The following WDR17 variants were observed in gnomAD, a reference collection of about 807,000 sequenced individuals.
The protein encoded by WDR17 is WD repeat domain 17.
Under a neutral mutation model 161.7 loss-of-function variants are expected in WDR17, and 143 were observed. The ratio of observed to expected loss-of-function variants is 0.88; its 90% CI spans 0.77 to 1.02. WDR17 has a LOEUF of 1.02. Ranked by LOEUF, WDR17 falls within the 50% of genes least tolerant of loss-of-function variation. The probability of loss-of-function intolerance (pLI) is 0.00; values close to 1 mark genes in which losing one functional copy is unlikely to be tolerated. For synonymous variants in WDR17, 517 were observed against 515.6 expected (o/e 1.00, Z -0.04); for missense variants, 1,469 against 1,520.9 (o/e 0.97, Z 0.57).
intron 19 of WDR17, 49 bp from the exon 20 acceptor site, chr4:176,160,862 A>G (rs1748930744): frequency 6.9e-7 from 1 of 1,439,120 alleles, no homozygotes; most frequent in Non-Finnish European, 9.5e-7. Context: ...AAATGTGTCA[A>G]TTATCAACAA....
intron 1 of WDR17, among the ~76,000 whole-genome samples, chr4:176,108,494 G>A (rs1739176081): frequency 6.6e-6 from 1 of 152,084 alleles, no homozygotes; most frequent in Non-Finnish European, 1.5e-5. Flanking sequence ...TGTAATGGTG[G>A]ATACCTATCA....
intron 7 of WDR17, among the ~76,000 whole-genome samples, chr4:176,133,959 CA>C (rs1561154971): frequency 6.6e-6 from 1 of 151,564 alleles, no homozygotes; most frequent in Non-Finnish European, 1.5e-5. Flanking sequence ...TTTCTTATTT[CA>C]AAAAATAAAA....
At chr4:176,107,825 C>G (rs1420570458) in intron 1 of WDR17, among the ~76,000 whole-genome samples, 2 of 151,182 alleles carry the variant, frequency 1.3e-5, no homozygotes, top group African/African-American at 4.9e-5. Context: ...TTTTCCCTTC[C>G]TTCCTTCCTT....
At chr4:176,109,248 A>G (rs1739307836) in intron 1 of WDR17, among the ~76,000 whole-genome samples, 1 of 152,174 alleles carries the variant, frequency 6.6e-6, no homozygotes. Flanking sequence ...CATAATCTCC[A>G]AAAGTCAATG....
chr4:176,067,113 G>A, intron 1 of WDR17, among the ~76,000 whole-genome samples: 1 of 152,186 alleles, frequency 6.6e-6, no homozygotes. Context: ...TGTGGAGAAA[G>A]CACTCTTACA....
intron 1 of WDR17, among the ~76,000 whole-genome samples, chr4:176,080,459 T>C (rs980244130): frequency 6.6e-6 from 1 of 150,768 alleles, no homozygotes; most frequent in African/African-American, 2.4e-5. Flanking sequence ...AAAAAAACAA[T>C]GGGGAGAAGG....
At chr4:176,155,972 T>C (rs1396349822) in intron 17 of WDR17, 107 bp from the exon 18 acceptor site, 1 of 1,000,868 alleles carries the variant, frequency 1.0e-6, no homozygotes, top group East Asian at 2.9e-5. Context: ...AGAACTCAAA[T>C]ATAAAAATAC....
intron 1 of WDR17, among the ~76,000 whole-genome samples, chr4:176,071,643 C>G (rs1011566411): frequency 1.3e-5 from 2 of 152,218 alleles, no homozygotes. Flanking sequence ...CTTTGGATAC[C>G]TCTCTCAGAA....
intron 2 of WDR17, among the ~76,000 whole-genome samples, chr4:176,114,215 C>G (rs144309472): frequency 1.9e-4 from 29 of 152,024 alleles, no homozygotes; most frequent in Non-Finnish European, 3.2e-4. Flanking sequence ...ACTTAAAAAC[C>G]TATTTATTCC....
chr4:176,066,158 C>T (rs2126525698), intron 1 of WDR17, 79 bp downstream of exon 1: 1 of 152,570 alleles, frequency 6.6e-6, no homozygotes, highest in East Asian at 1.9e-4. Flanking sequence ...GTCGCGGCGT[C>T]ATGCGAGAGG....
At chr4:176,114,184 T>G (rs1740227128) in intron 2 of WDR17, among the ~76,000 whole-genome samples, 1 of 152,088 alleles carries the variant, frequency 6.6e-6, no homozygotes, top group Admixed American at 6.6e-5. Context: ...ATAGGTGACT[T>G]AAATTGCTGA....
chr4:176,090,861 A>G (rs757877678), intron 1 of WDR17, among the ~76,000 whole-genome samples: 1 of 152,248 alleles, frequency 6.6e-6, no homozygotes, highest in Non-Finnish European at 1.5e-5. Flanking sequence ...CTTACAGGAA[A>G]CAAAGGGATG....
rs375152589 is a variant in WDR17, at chr4:176,149,613, T to A, written c.1898-194T>A. Among the ~76,000 whole-genome samples, 10 of 152,282 alleles carry A rather than the reference T, an allele frequency of 6.6e-5. 1 individual carries two copies. In the East Asian group the frequency reaches 1.9e-3, roughly 29 times the overall value. On this transcript the variant is annotated intron_variant, in intron 13 of 28. Transcript: ENST00000508596. ...ATTTTATATTCATATTTATAGAATA[T>A]ATAAAATAATTTATTGCATTCTTAT... is the stretch of plus-strand genomic sequence containing the variant.
In WDR17 at chr4:176,115,875, G is replaced by A; in HGVS notation, c.203G>A (p.Cys68Tyr). The change falls in exon 3 of 29, where the codon TGT becomes TAT. Residue 68 changes from cysteine to tyrosine, a missense_variant. Cys to Tyr is a radical substitution (Grantham distance 194). Coordinates refer to ENST00000508596, the MANE Select transcript of WDR17 (RefSeq NM_181265.4). ...AAAACAATCACAGCAATTTCTTGGT[G>A]TCCACATAATCCTGATCTGTTTGCA... The part of the protein sequence containing the change: ...HKKTITAISW[C>Y]PHNPDLFASG... 1.2e-6 allele frequency: 2 copies of A among 1,611,356 alleles called. No individual in the cohort carries two copies. Among genetic ancestry groups the A allele is most frequent in the Non-Finnish European group, 1.7e-6 (2 of 1,178,398 alleles).
chr4:176,095,911 T>C (rs1457900277), intron 1 of WDR17, among the ~76,000 whole-genome samples: 1 of 152,136 alleles, frequency 6.6e-6, no homozygotes, highest in Admixed American at 6.6e-5. Context: ...AAAATTAAAT[T>C]ACATTCATGT....
intron 1 of WDR17, chr4:176,068,266 G>A (rs1732768678): frequency 6.6e-6 from 1 of 152,070 alleles, no homozygotes; most frequent in Admixed American, 6.6e-5. Context: ...ACGTCTTCAG[G>A]AACAGAGATT....
chr4:176,120,216 T>A, intron 4 of WDR17, 119 bp downstream of exon 4: 1 of 667,270 alleles, frequency 1.5e-6, no homozygotes. Flanking sequence ...AGTGACAAAA[T>A]TTTAATTTTG....
intron 1 of WDR17, among the ~76,000 whole-genome samples, chr4:176,094,130 G>T (rs2126636997): frequency 6.6e-6 from 1 of 152,180 alleles, no homozygotes; most frequent in Non-Finnish European, 1.5e-5. Flanking sequence ...AATTTCTTAA[G>T]TGATTTTGTT....
intron 1 of WDR17, among the ~76,000 whole-genome samples, chr4:176,089,229 C>T (rs990596113): frequency 1.3e-5 from 2 of 151,888 alleles, no homozygotes; most frequent in Non-Finnish European, 2.9e-5. Flanking sequence ...AACGTACTCC[C>T]TCAGGGCTTC....
Sources: allele counts gnomAD v4.1 joint callset (sites outside exome capture counted in the v4.1 genomes callset), GRCh38; gene constraint gnomAD v4.1.1; transcripts MANE v1.5; gene names NCBI Gene and HGNC (gene_info 2026-07-23, HGNC 2026-07-21).